BTBD8: variants seen among roughly 807,000 people sequenced by gnomAD.
BTBD8 encodes the protein BTB/POZ domain-containing protein 8.
A neutral mutation model predicts 162.9 loss-of-function variants in BTBD8; 110 were observed. The ratio of observed to expected loss-of-function variants is 0.68; its 90% CI spans 0.58 to 0.79. BTBD8 has a LOEUF of 0.79. Among genes scored for constraint, BTBD8 ranks in the 30% least tolerant of loss-of-function variants. The pLI is 0.00. For synonymous variants in BTBD8, 667 were observed against 716.1 expected, an observed-to-expected ratio of 0.93 and a Z score of 1.10; for missense variants, 1,905 against 2,085.4, an observed-to-expected ratio of 0.91 and a Z score of 1.68.
intron 16 of BTBD8, 51 bp from the exon 17 acceptor site, chr1:92,180,214 C>G: frequency 7.7e-7 from 1 of 1,292,718 alleles, no homozygotes; most frequent in Non-Finnish European, 1.0e-6. Flanking sequence ...ATTTTACTCA[C>G]AAATTGGAGG....
At position 92,129,744 on chromosome 1, in the gene BTBD8, T is replaced by C; in HGVS notation, c.720T>C (p.Ala240=). 1 of 1,614,168 alleles carries C rather than the reference T, an allele frequency of 6.2e-7. No homozygotes were observed. Among genetic ancestry groups the C allele is most frequent in the South Asian group, 1.1e-5 (1 of 91,080 alleles). ...YFAAMLSGCW[A]ESSQEYVTLQ... ...CTGCAATGCTGAGTGGCTGTTGGGC[T>C]GAAAGCTCCCAAGAGTACGTTACTC... The change falls in exon 5 of 18, where the codon GCT becomes GCC. Residue 240 remains alanine (A), a synonymous_variant. Coordinates refer to ENST00000636805, the MANE Select transcript of BTBD8 (RefSeq NM_001376131.1).
chr1:92,168,860 AC>A lies in BTBD8; in HGVS notation c.1444-5del. On this transcript the variant is annotated splice_polypyrimidine_tract_variant and splice_region_variant and intron_variant, in intron 11 of 17. Transcript: ENST00000636805. Reference sequence around the variant, plus strand: ...CACCAGCTGCTGATTTGTTGCTTGAACACAGGGTTTTACGTGCAAGATCCAG... The same window carrying A: ...CACCAGCTGCTGATTTGTTGCTTGAAACAGGGTTTTACGTGCAAGATCCAG... 6.6e-7 allele frequency: 1 copy of A among 1,507,538 alleles called. No homozygotes were observed. Among genetic ancestry groups the A allele is most frequent in the Non-Finnish European group, 9.0e-7 (1 of 1,113,582 alleles). 93.4% of individuals were successfully genotyped at this position (1,507,538 alleles called of 1,614,324 possible). A position where few individuals can be genotyped will look rare whatever the true frequency, so the allele number is the denominator to read the frequency against.
chr1:92,118,055 G>C lies in BTBD8; in HGVS notation c.662+10054G>C, dbSNP rs1047969753. Among the ~76,000 whole-genome samples, 6 of 151,810 alleles carry C rather than the reference G, an allele frequency of 4.0e-5. No homozygotes were observed. The South Asian group carries it at 1.2e-3, about 31-fold the overall frequency. On this transcript the variant is annotated intron_variant, in intron 4 of 17. Transcript: ENST00000636805. ...CAAATTAAAAGAGTACAGTATTCTCGTATACCCCCACACCTAGTTCCTCAT... is the reference window on the plus strand; with the variant it reads ...CAAATTAAAAGAGTACAGTATTCTCCTATACCCCCACACCTAGTTCCTCAT...
At chr1:92,093,651 A>C (rs781336152) in intron 2 of BTBD8, among the ~76,000 whole-genome samples, 1 of 152,174 alleles carries the variant, frequency 6.6e-6, no homozygotes, top group Non-Finnish European at 1.5e-5. Context: ...GCACATTAAT[A>C]ATTCTTATAG....
chr1:92,184,477 A>C lies in BTBD8; in HGVS notation c.*147A>C. On this transcript the variant is annotated 3_prime_UTR_variant, in exon 18 of 18. Transcript: ENST00000636805. ...TGAGGTAAACATAGTTTATTTATTA[A>C]TATATCACATATAGAAAAATGTTTT... 2.1e-6 allele frequency: 1 copy of C among 487,726 alleles called. No individual in the cohort carries two copies. Among genetic ancestry groups the C allele is most frequent in the Non-Finnish European group, 3.5e-6 (1 of 282,702 alleles). The allele number at this position is 487,726 out of a possible 1,614,324, so 30.2% of individuals were successfully genotyped here. A position where few individuals can be genotyped will look rare whatever the true frequency, so the allele number is the denominator to read the frequency against.
Position 92,141,186 on chromosome 1 carries a change from G to T in BTBD8, c.905G>T (p.Arg302Ile). The change falls in exon 7 of 18, where the codon AGA becomes ATA. Residue 302 changes from arginine (R) to isoleucine (I), a missense_variant. Physicochemically the swap from Arg to Ile is moderately conservative, Grantham distance 97 (BLOSUM62 -3). Transcript: ENST00000636805. The stretch of plus-strand genomic sequence containing the variant: ...GAAGTAGCAATCTATATTTTAAGAA[G>T]AGATTACTGTAATTTCTTTCAGAAG... Reference protein sequence around the residue: ...LKEVAIYILRRDYCNFFQKPV... With the variant: ...LKEVAIYILRIDYCNFFQKPV... 1 of 1,584,188 alleles carries T rather than the reference G, an allele frequency of 6.3e-7. No homozygotes were observed.
chr1:92,149,266 A>C (rs1649992765), intron 9 of BTBD8, among the ~76,000 whole-genome samples: 1 of 152,212 alleles, frequency 6.6e-6, no homozygotes, highest in East Asian at 1.9e-4. Flanking sequence ...TGTTAATAAT[A>C]GTTAACTTTG....
In BTBD8 at chr1:92,171,432, G is replaced by A. The variant is rs1650542667; in HGVS notation, c.1607G>A (p.Gly536Asp). The A allele has an allele frequency of 1.3e-6, 2 of 1,535,246 alleles. No homozygotes were observed. Among genetic ancestry groups the A allele is most frequent in the Non-Finnish European group, 1.8e-6 (2 of 1,138,782 alleles). ...AFDKGDDRRLGKKPIFSSSQQ... is the reference protein window; with the variant it reads ...AFDKGDDRRLDKKPIFSSSQQ... ...GACAAAGGTGATGATCGAAGACTTG[G>A]CAAAAAGCCTATATTCAGTAGCTCG... The change falls in exon 13 of 18, where the codon GGC becomes GAC. Residue 536 changes from glycine to aspartate, a missense_variant. Physicochemically the swap from Gly to Asp is moderately conservative, Grantham distance 94 (BLOSUM62 -1). Coordinates refer to ENST00000636805, the MANE Select transcript of BTBD8 (RefSeq NM_001376131.1).
intron 9 of BTBD8, among the ~76,000 whole-genome samples, chr1:92,148,177 C>T (rs1470438451): frequency 6.6e-6 from 1 of 152,184 alleles, no homozygotes; most frequent in East Asian, 1.9e-4. Context: ...AGGTTGATTA[C>T]ATTGGATCAC....
Position 92,147,170 on chromosome 1 carries a change from T to A in BTBD8, c.931-10T>A. On this transcript the variant is annotated splice_polypyrimidine_tract_variant and intron_variant, in intron 7 of 17. Coordinates refer to ENST00000636805, the MANE Select transcript of BTBD8 (RefSeq NM_001376131.1). ...AAAGGAATAAATATGGTGTTTTCCA[T>A]CAATTTTAGCCTGTTCCCAGAACAT... 1.3e-6 allele frequency: 2 copies of A among 1,574,834 alleles called. No individual in the cohort carries two copies.
intron 6 of BTBD8, among the ~76,000 whole-genome samples, chr1:92,140,346 C>T (rs1169302881): frequency 6.6e-6 from 1 of 152,120 alleles, no homozygotes; most frequent in African/African-American, 2.4e-5. Flanking sequence ...CCATCTAAGC[C>T]TCTGAAATCC....
chr1:92,089,803 TG>T (rs1648251496), intron 2 of BTBD8, among the ~76,000 whole-genome samples: 1 of 152,248 alleles, frequency 6.6e-6, no homozygotes, highest in South Asian at 2.1e-4. Flanking sequence ...ATTTTGGGGT[TG>T]GGGGGACACA....
intron 4 of BTBD8, among the ~76,000 whole-genome samples, chr1:92,111,842 A>G (rs922131778): frequency 1.3e-5 from 2 of 152,188 alleles, no homozygotes; most frequent in Non-Finnish European, 2.9e-5. Context: ...ATCAGGGGGC[A>G]AACTATGGCC....
intron 2 of BTBD8, among the ~76,000 whole-genome samples, chr1:92,100,744 G>A (rs1287670270): frequency 1.3e-5 from 2 of 151,870 alleles, no homozygotes; most frequent in Non-Finnish European, 2.9e-5. Flanking sequence ...CAAGTAGCTG[G>A]GATTACAGGC....
At position 92,180,394 on chromosome 1, in the gene BTBD8, A is replaced by G. The variant is rs1650847741; in HGVS notation, c.2711A>G (p.Gln904Arg). 6.4e-7 allele frequency: 1 copy of G among 1,551,572 alleles called. No individual in the cohort carries two copies. Among genetic ancestry groups the G allele is most frequent in the South Asian group, 1.2e-5 (1 of 84,064 alleles). ...GCACCTAAGAGAAAAATGGTCAAGC[A>G]AGTACACACAGCTTTGCCTAAGGTT... ...KQAPKRKMVK[Q>R]VHTALPKVNA... Residue 904 changes from glutamine to arginine, a missense_variant, in exon 17 of 18, where the codon CAA (glutamine) becomes CGA (arginine). By Grantham distance (43) the Gln-to-Arg change is conservative. This residue lies in a region of BTBD8 where 1,374 missense variants were observed against 1,442.7 expected (regional missense o/e 0.95). Transcript: ENST00000636805.
At chr1:92,146,610 A>T (rs1229829777) in intron 7 of BTBD8, among the ~76,000 whole-genome samples, 3 of 152,098 alleles carry the variant, frequency 2.0e-5, no homozygotes, top group Non-Finnish European at 4.4e-5. Flanking sequence ...CTGACTGCTC[A>T]TCTTTCCCTC....
At chr1:92,170,000 A>C (rs1650490178) in intron 12 of BTBD8, among the ~76,000 whole-genome samples, 1 of 152,142 alleles carries the variant, frequency 6.6e-6, no homozygotes, top group Non-Finnish European at 1.5e-5. Context: ...GTTTATTTTT[A>C]CAAAATTTAT....
intron 1 of BTBD8, among the ~76,000 whole-genome samples, chr1:92,087,447 A>G (rs1030323786): frequency 1.3e-5 from 2 of 152,210 alleles, no homozygotes; most frequent in Non-Finnish European, 2.9e-5. Context: ...ATATTGACCA[A>G]ACTAAGATGC....
chr1:92,129,585 A>T, intron 4 of BTBD8, 102 bp from the exon 5 acceptor site: 2 of 874,642 alleles, frequency 2.3e-6, no homozygotes, highest in Non-Finnish European at 3.7e-6. Flanking sequence ...AAACAAATAG[A>T]TTATTGTGTT....
Sources: gnomAD v4.1 joint callset for allele counts (sites outside exome capture counted in the v4.1 genomes callset) on GRCh38, gnomAD v4.1.1 for gene constraint, gnomAD v4.1.1 regional missense constraint, MANE v1.5 for transcripts, NCBI Gene and HGNC (gene_info 2026-07-23, HGNC 2026-07-21) for gene names.